The following CD58 variants were observed in gnomAD, a reference collection of about 807,000 sequenced individuals.
CD58 encodes the protein lymphocyte function-associated antigen 3.
CD58 carries 14 observed loss-of-function variants against 27.6 expected under a neutral mutation model. The observed-to-expected ratio is 0.51, with a 90% CI of 0.34 to 0.79. The LOEUF is 0.79. CD58 is among the 30% of genes least tolerant of loss of function. The pLI, the probability that CD58 is intolerant of heterozygous loss-of-function variation, is 0.02. For missense variants in CD58, 268 were observed against 301.7 expected (o/e 0.89, Z 0.83); for synonymous variants, 117 against 103.8 (o/e 1.13, Z -0.77).
rs1243076470 is a variant in CD58 at position 116,522,981 on chromosome 1, A to G, written c.629-998T>C. ...GGGTAACTATACTCGAGACTAATAAATATACTTATCTCATAGGGTAGTTGC... is the reference window on the plus strand; with the variant it reads ...GGGTAACTATACTCGAGACTAATAAGTATACTTATCTCATAGGGTAGTTGC... On this transcript the variant is annotated intron_variant, in intron 3 of 5. Coordinates refer to ENST00000369489, the MANE Select transcript of CD58 (RefSeq NM_001779.3). This position sits in a 1 kb window ranked among gnomAD's most constrained non-coding sequence, Gnocchi z 4.6. 6.6e-6 allele frequency among the ~76,000 whole-genome samples: 1 copy of G among 152,196 alleles called. No homozygotes were observed. The highest frequency in any genetic ancestry group is 1.9e-4 in the East Asian group (1 of 5,196).
In CD58 at chr1:116,570,617, G is replaced by T. The variant is rs1460563607; in HGVS notation, c.70+286C>A. ...AACTTGGTCACTGGAGCTCGGGAGGGGGCCGGCGGGGGGGCGCAGGCCCCG... is the reference window on the plus strand; with the variant it reads ...AACTTGGTCACTGGAGCTCGGGAGGTGGCCGGCGGGGGGGCGCAGGCCCCG... On this transcript the variant is annotated intron_variant, in intron 1 of 5. Transcript: ENST00000369489. This position sits in a 1 kb window ranked among gnomAD's most constrained non-coding sequence, Gnocchi z 6.4. Among the ~76,000 whole-genome samples the T allele has an allele frequency of 1.3e-5, 2 of 152,164 alleles. No individual in the cohort carries two copies. The highest frequency in any genetic ancestry group is 2.1e-4 in the South Asian group (1 of 4,838).
At chr1:116,558,822 G>T (rs762925969) in intron 1 of CD58, among the ~76,000 whole-genome samples, 5 of 152,200 alleles carry the variant, frequency 3.3e-5, no homozygotes, top group Non-Finnish European at 7.3e-5. Flanking sequence ...ACAAGCACTT[G>T]TTCCAAGAGC....
Position 116,570,317 on chromosome 1 carries a change from T to C in CD58, c.70+586A>G, listed in dbSNP as rs530127383. Among the ~76,000 whole-genome samples, 3 of 151,880 alleles carry C rather than the reference T, an allele frequency of 2.0e-5. No homozygotes were observed. In the South Asian group the frequency reaches 6.3e-4, roughly 32 times the overall value. ...TGAGGGGAGGAAAAAGGAGCAGGAG[T>C]CGCACCACTTAGGAATCCCAACGTG... On this transcript the variant is annotated intron_variant, in intron 1 of 5. Coordinates refer to ENST00000369489, the MANE Select transcript of CD58 (RefSeq NM_001779.3). This position sits in a 1 kb window ranked among gnomAD's most constrained non-coding sequence, Gnocchi z 6.4.
chr1:116,543,798 T>G (rs1396970475), intron 2 of CD58, among the ~76,000 whole-genome samples: 1 of 152,164 alleles, frequency 6.6e-6, no homozygotes, highest in Admixed American at 6.5e-5. Flanking sequence ...GGTGCGGGCC[T>G]GTAGTCCCAG....
At chr1:116,543,733 G>C (rs1412536303) in intron 2 of CD58, among the ~76,000 whole-genome samples, 1 of 151,942 alleles carries the variant, frequency 6.6e-6, no homozygotes, top group Non-Finnish European at 1.5e-5. Flanking sequence ...GACCAGCCTG[G>C]CCAACACAGT....
intron 1 of CD58, among the ~76,000 whole-genome samples, chr1:116,556,516 T>G (rs1277946392): frequency 6.6e-6 from 1 of 152,046 alleles, no homozygotes; most frequent in Non-Finnish European, 1.5e-5. Flanking sequence ...TAGACAGCAT[T>G]GGAACAGCAG....
chr1:116,533,578 T>C (rs955352462), intron 3 of CD58: 8 of 711,440 alleles, frequency 1.1e-5, no homozygotes, highest in African/African-American at 1.7e-5. Flanking sequence ...ACTTAGCATA[T>C]CTACATTTCT....
intron 1 of CD58, among the ~76,000 whole-genome samples, chr1:116,551,205 T>C (rs1658378060): frequency 6.6e-6 from 1 of 152,216 alleles, no homozygotes; most frequent in Non-Finnish European, 1.5e-5. Flanking sequence ...AAGCCTGAAG[T>C]TGACTTCTCC....
At chr1:116,569,384 G>T (rs931301687) in intron 1 of CD58, among the ~76,000 whole-genome samples, 1 of 152,110 alleles carries the variant, frequency 6.6e-6, no homozygotes, top group African/African-American at 2.4e-5. Context: ...TCCTGATCCT[G>T]TAAGGCCCAG....
intron 1 of CD58, among the ~76,000 whole-genome samples, chr1:116,569,164 C>T (rs931437409): frequency 1.3e-5 from 2 of 152,172 alleles, no homozygotes; most frequent in African/African-American, 2.4e-5. Flanking sequence ...AATGAGGGAC[C>T]AGCTTGCCTG....
intron 3 of CD58, among the ~76,000 whole-genome samples, chr1:116,529,327 G>A (rs1367857084): frequency 1.3e-5 from 2 of 152,198 alleles, no homozygotes; most frequent in Admixed American, 1.3e-4. Context: ...CCGCAGATAA[G>A]GAGATAAGGA....
In CD58 at chr1:116,570,404, A is replaced by G. The variant is rs1659100397; in HGVS notation, c.70+499T>C. On this transcript the variant is annotated intron_variant, in intron 1 of 5. Coordinates refer to ENST00000369489, the MANE Select transcript of CD58 (RefSeq NM_001779.3). This position sits in a 1 kb window ranked among gnomAD's most constrained non-coding sequence, Gnocchi z 6.4. ...GCTCCTCGCTGTGGGGCGATTCTGA[A>G]AAGTCCTCTCTGCTGATACGGCGGA... Among the ~76,000 whole-genome samples, 2 of 152,084 alleles carry G rather than the reference A, an allele frequency of 1.3e-5. No individual in the cohort carries two copies. The highest frequency in any genetic ancestry group is 1.3e-4 in the Admixed American group (2 of 15,286).
chr1:116,558,920 T>A (rs1182595817), intron 1 of CD58, among the ~76,000 whole-genome samples: 1 of 152,172 alleles, frequency 6.6e-6, no homozygotes, highest in Admixed American at 6.5e-5. Flanking sequence ...GTTCATGGAG[T>A]CCTGCCTATG....
chr1:116,530,700 A>C (rs1657575586), intron 3 of CD58, among the ~76,000 whole-genome samples: 1 of 152,224 alleles, frequency 6.6e-6, no homozygotes, highest in Non-Finnish European at 1.5e-5. Context: ...AGTAAGATCT[A>C]GTATTTAACT....
rs1657106900 is a variant in CD58, at chr1:116,517,127, T to A, written c.743+2104A>T. Among the ~76,000 whole-genome samples, 1 of 151,860 alleles carries A rather than the reference T, an allele frequency of 6.6e-6. No individual in the cohort carries two copies. Among genetic ancestry groups the A allele is most frequent in the Admixed American group, 6.6e-5 (1 of 15,240 alleles). ...TATGCCTCCCCCATCCACTCAGAGT[T>A]CCCCTCCACTGTAACCACCTAGATC... On this transcript the variant is annotated intron_variant, in intron 5 of 5. Coordinates refer to ENST00000369489, the MANE Select transcript of CD58 (RefSeq NM_001779.3). The surrounding 1 kb of genome is among the most constrained non-coding windows in gnomAD (Gnocchi z 6.5).
intron 2 of CD58, among the ~76,000 whole-genome samples, chr1:116,539,924 C>T (rs539552648): frequency 1.3e-5 from 2 of 152,334 alleles, no homozygotes; most frequent in Admixed American, 6.5e-5. Flanking sequence ...ATTGAGTTCA[C>T]TGCTGTGTAA....
chr1:116,545,163 T>A (rs759343768), intron 1 of CD58, among the ~76,000 whole-genome samples: 1 of 151,894 alleles, frequency 6.6e-6, no homozygotes. Flanking sequence ...ACAGCTAGAA[T>A]GAGGAGGGCA....
At position 116,528,560 on chromosome 1, in the gene CD58, T is replaced by C. The variant is rs536325527; in HGVS notation, c.629-6577A>G. On this transcript the variant is annotated intron_variant, in intron 3 of 5. Transcript: ENST00000369489. This position sits in a 1 kb window ranked among gnomAD's most constrained non-coding sequence, Gnocchi z 4.4. ...ATAAATGTGTACAACAGTTGGAAAC[T>C]GGTACTCTAGAGAATATCCTCTTGC... is the stretch of plus-strand genomic sequence containing the variant. Among the ~76,000 whole-genome samples, 1 of 152,318 alleles carries C rather than the reference T, an allele frequency of 6.6e-6. No homozygotes were observed. Among genetic ancestry groups the C allele is most frequent in the East Asian group, 1.9e-4 (1 of 5,186 alleles).
In CD58 at chr1:116,517,387, C is replaced by G. The variant is rs1312246825; in HGVS notation, c.743+1844G>C. ...GAGCTGCCCCTTGTACTTCCTTGCC[C>G]CCAGGCCTCCTGCCACAGCTTGTTT... On this transcript the variant is annotated intron_variant, in intron 5 of 5. Coordinates refer to ENST00000369489, the MANE Select transcript of CD58 (RefSeq NM_001779.3). This position sits in a 1 kb window ranked among gnomAD's most constrained non-coding sequence, Gnocchi z 6.5. 6.6e-6 allele frequency among the ~76,000 whole-genome samples: 1 copy of G among 152,120 alleles called. No homozygotes were observed. Among genetic ancestry groups the G allele is most frequent in the African/African-American group, 2.4e-5 (1 of 41,404 alleles).
Sources: gnomAD v4.1 joint callset for allele counts (sites outside exome capture counted in the v4.1 genomes callset) on GRCh38, gnomAD v4.1.1 for gene constraint, Gnocchi (gnomAD v3.1) non-coding constraint, MANE v1.5 for transcripts, NCBI Gene and HGNC (gene_info 2026-07-23, HGNC 2026-07-21) for gene names.